Variants in RBFOX1 observed in about 807,000 individuals in gnomAD.
RBFOX1 encodes RNA binding protein fox-1 homolog 1.
Under a neutral mutation model 57.7 loss-of-function variants are expected in RBFOX1, and 8 were observed. That is an observed-to-expected ratio of 0.14 (90% confidence interval 0.08 to 0.25). The LOEUF (loss-of-function observed/expected upper bound fraction) is 0.25. Ranked by LOEUF, RBFOX1 falls within the 10% of genes least tolerant of loss-of-function variation. The pLI, the probability that RBFOX1 is intolerant of heterozygous loss-of-function variation, is 1.00. For missense variants in RBFOX1, 611 were observed against 548.5 expected (o/e 1.11, Z -1.14); for synonymous variants, 326 against 222.4 (o/e 1.47, Z -4.15).
At chr16:5,498,283 C>T (rs1426575427) in intron 2 of RBFOX1, among the ~76,000 whole-genome samples, 1 of 152,112 alleles carries the variant, frequency 6.6e-6, no homozygotes, top group African/African-American at 2.4e-5. Flanking sequence ...ACTGGGATTA[C>T]AAGCATGCAC....
intron 14 of RBFOX1, among the ~76,000 whole-genome samples, chr16:7,689,645 A>G (rs886414758): frequency 2.0e-5 from 3 of 152,064 alleles, no homozygotes; most frequent in African/African-American, 7.2e-5. Context: ...TTTGGAGTGG[A>G]AGAGAGGTAG....
intron 3 of RBFOX1, among the ~76,000 whole-genome samples, chr16:6,898,669 T>A (rs2153401491): frequency 6.6e-6 from 1 of 152,244 alleles, no homozygotes; most frequent in East Asian, 1.9e-4. Flanking sequence ...TCTGAGTTTC[T>A]GTGTGTGTAC....
intron 3 of RBFOX1, among the ~76,000 whole-genome samples, chr16:6,954,435 C>G (rs983483277): frequency 6.6e-6 from 1 of 152,062 alleles, no homozygotes; most frequent in Non-Finnish European, 1.5e-5. Context: ...TTTAAAATTA[C>G]ACGACTATAA....
chr16:7,300,197 T>C (rs1422282962), intron 4 of RBFOX1, among the ~76,000 whole-genome samples: 1 of 152,182 alleles, frequency 6.6e-6, no homozygotes, highest in East Asian at 1.9e-4. Flanking sequence ...TTCTTCTCTG[T>C]ATTACTTACT....
At chr16:5,478,020 C>T (rs538478518) in intron 2 of RBFOX1, among the ~76,000 whole-genome samples, 1 of 152,028 alleles carries the variant, frequency 6.6e-6, no homozygotes, top group East Asian at 1.9e-4. Context: ...GTTTTGGCAG[C>T]TCAGTAGGGA....
chr16:7,501,324 T>A (rs1313181105), intron 4 of RBFOX1, among the ~76,000 whole-genome samples: 2 of 152,254 alleles, frequency 1.3e-5, no homozygotes, highest in African/African-American at 2.4e-5. Flanking sequence ...TCTCTGTTCT[T>A]ACCCTTCCTC....
chr16:6,234,816 G>GACACAC (rs57296223), intron 1 of RBFOX1, among the ~76,000 whole-genome samples: 2 of 150,638 alleles, frequency 1.3e-5, no homozygotes, highest in Admixed American at 1.3e-4. Flanking sequence ...ACTACACACA[G>GACACAC]ACACACACAC....
At chr16:7,655,541 C>A (rs1175318738) in intron 12 of RBFOX1, among the ~76,000 whole-genome samples, 1 of 152,118 alleles carries the variant, frequency 6.6e-6, no homozygotes, top group Non-Finnish European at 1.5e-5. Context: ...TCTGGTATCA[C>A]AGCAATGAGC....
intron 3 of RBFOX1, among the ~76,000 whole-genome samples, chr16:6,796,952 A>T (rs972189593): frequency 1.3e-5 from 2 of 151,114 alleles, no homozygotes; most frequent in African/African-American, 2.5e-5. Flanking sequence ...GAGTACTAGG[A>T]GAGAGAGGAA....
chr16:6,594,341 A>G (rs1360745824), intron 2 of RBFOX1, among the ~76,000 whole-genome samples: 2 of 152,150 alleles, frequency 1.3e-5, no homozygotes, highest in Non-Finnish European at 2.9e-5. Flanking sequence ...TATTTAACCT[A>G]TCCTTACCAA....
intron 1 of RBFOX1, among the ~76,000 whole-genome samples, chr16:6,231,036 T>C (rs2097455289): frequency 6.6e-6 from 1 of 152,092 alleles, no homozygotes; most frequent in East Asian, 1.9e-4. Flanking sequence ...ACATGTTAGG[T>C]ATGAAATAGA....
At chr16:7,211,443 A>G (rs1001066647) in intron 4 of RBFOX1, among the ~76,000 whole-genome samples, 5 of 151,444 alleles carry the variant, frequency 3.3e-5, no homozygotes, top group African/African-American at 1.2e-4. Flanking sequence ...TTAAACGTTT[A>G]TCCAGTGGGC....
Position 6,564,125 on chromosome 16 carries a change from G to T in RBFOX1, c.-63-90478G>T, listed in dbSNP as rs373876258. ...GTAGCCTACACTGTGGATTGTTCTA[G>T]GCTCTTTAATTTTCTGTTTTCCACG... On this transcript the variant is annotated intron_variant, in intron 2 of 15. Coordinates refer to ENST00000550418, the MANE Select transcript of RBFOX1 (RefSeq NM_018723.4). Among the ~76,000 whole-genome samples, 38 of 151,970 alleles carry T rather than the reference G, an allele frequency of 2.5e-4. 2 individuals carry two copies. In the South Asian group the frequency reaches 7.7e-3, roughly 31 times the overall value.
At chr16:6,439,226 G>A (rs1314474358) in intron 2 of RBFOX1, among the ~76,000 whole-genome samples, 1 of 152,082 alleles carries the variant, frequency 6.6e-6, no homozygotes, top group Non-Finnish European at 1.5e-5. Context: ...GACAGGCAGG[G>A]CAGATAGCAC....
intron 2 of RBFOX1, among the ~76,000 whole-genome samples, chr16:6,479,849 A>C (rs935526371): frequency 6.6e-6 from 1 of 152,060 alleles, no homozygotes; most frequent in Non-Finnish European, 1.5e-5. Flanking sequence ...CAGGAGCTTG[A>C]GACCAGCCTG....
In RBFOX1 at chr16:7,032,618, C is replaced by T. The variant is rs145415181; in HGVS notation, c.-15-19439C>T. ...TTGTTTGTTTGTTTGTTTTGCTAGA[C>T]GAGTATTTTCCCTCCTCAAGCTAAT... is the stretch of plus-strand genomic sequence containing the variant. On this transcript the variant is annotated intron_variant, in intron 3 of 15. Transcript: ENST00000550418. Among the ~76,000 whole-genome samples the T allele has an allele frequency of 3.0e-4, 45 of 152,012 alleles. No individual in the cohort carries two copies. The East Asian group carries it at 5.2e-3, about 18-fold the overall frequency.
At chr16:6,486,017 C>CTTT (rs200626786) in intron 2 of RBFOX1, among the ~76,000 whole-genome samples, 1 of 114,910 alleles carries the variant, frequency 8.7e-6, no homozygotes, top group East Asian at 2.6e-4. Flanking sequence ...AATTATTTTT[C>CTTT]TTTTTTTTTT....
intron 2 of RBFOX1, among the ~76,000 whole-genome samples, chr16:6,357,114 C>T (rs1394101324): frequency 6.6e-6 from 1 of 152,014 alleles, no homozygotes; most frequent in African/African-American, 2.4e-5. Context: ...TCCCCTCCTG[C>T]CCTGCTTGCG....
chr16:7,689,540 G>C (rs1280604254), intron 14 of RBFOX1, among the ~76,000 whole-genome samples: 1 of 152,012 alleles, frequency 6.6e-6, no homozygotes, highest in Non-Finnish European at 1.5e-5. Context: ...CTCTCTCCTG[G>C]AAATTCTGAT....
Sources: allele counts gnomAD v4.1 joint callset (sites outside exome capture counted in the v4.1 genomes callset), GRCh38; gene constraint gnomAD v4.1.1; transcripts MANE v1.5; gene names NCBI Gene and HGNC (gene_info 2026-07-23, HGNC 2026-07-21).